Variants in UBE3C observed in about 807,000 individuals in gnomAD.
UBE3C encodes ubiquitin-protein ligase E3C.
Under a neutral mutation model 129.4 loss-of-function variants are expected in UBE3C, and 42 were observed. That is an observed-to-expected ratio of 0.32 (90% CI 0.25 to 0.42). The LOEUF is 0.42. Among genes scored for constraint, UBE3C ranks in the 10% least tolerant of loss-of-function variants. The probability of loss-of-function intolerance (pLI) is 1.00; values close to 1 mark genes in which losing one functional copy is unlikely to be tolerated. For missense variants in UBE3C, 1,049 were observed against 1,319.1 expected, an observed-to-expected ratio of 0.80 and a Z score of 3.17; for synonymous variants, 510 against 492.4, an observed-to-expected ratio of 1.04 and a Z score of -0.47.
intron 10 of UBE3C, chr7:157,192,476 C>T: frequency 1.3e-6 from 1 of 754,652 alleles, no homozygotes; most frequent in East Asian, 2.5e-5. Flanking sequence ...GGAAGGAATT[C>T]CTCCTGATCA....
intron 10 of UBE3C, chr7:157,198,532 CT>C (rs71189987): frequency 0.024 from 6,406 of 272,218 alleles, no homozygotes; most frequent in South Asian, 0.046. Context: ...CTGTATTTGT[CT>C]TTTTTTTTTT....
rs544821742 is a variant in UBE3C at position 157,139,502 on chromosome 7, G to A, written c.66+164G>A. Among the ~76,000 whole-genome samples, 289 of 151,712 alleles carry A rather than the reference G, an allele frequency of 1.9e-3. 2 individuals are homozygous for A. Among genetic ancestry groups the A allele is most frequent in the African/African-American group, 6.4e-3 (264 of 41,448 alleles). ...CGGGGCTTCCTCGCCGGATCTCGGGGCCGCTCCGGCCGGGACTCGGGGTTG... is the reference window on the plus strand; with the variant it reads ...CGGGGCTTCCTCGCCGGATCTCGGGACCGCTCCGGCCGGGACTCGGGGTTG... On this transcript the variant is annotated intron_variant, in intron 1 of 22. Coordinates refer to ENST00000348165, the MANE Select transcript of UBE3C (RefSeq NM_014671.3).
Position 157,267,683 on chromosome 7 carries a change from C to G in UBE3C, c.3180C>G (p.Phe1060Leu). ...TGAACCTGCTGAAGCTCCCCGAGTT[C>G]TATGACGAGACACTTTTGCGAAGTA... Reference protein sequence around the residue: ...TCMNLLKLPEFYDETLLRSKL... With the variant: ...TCMNLLKLPELYDETLLRSKL... Residue 1060 changes from phenylalanine to leucine, a missense_variant, in exon 23 of 23, where the codon TTC (phenylalanine) becomes TTG (leucine). Around this residue, in one of 4 missense-constraint regions of UBE3C, gnomAD observed 243 missense variants for 368.7 expected, o/e 0.66. Coordinates refer to ENST00000348165, the MANE Select transcript of UBE3C (RefSeq NM_014671.3). 6.2e-7 allele frequency: 1 copy of G among 1,613,700 alleles called. No individual in the cohort carries two copies. The highest frequency in any genetic ancestry group is 8.5e-7 in the Non-Finnish European group (1 of 1,179,874).
chr7:157,264,131 G>GCA (rs146963570), intron 22 of UBE3C, among the ~76,000 whole-genome samples: 93 of 124,518 alleles, frequency 7.5e-4, no homozygotes, highest in African/African-American at 2.2e-3. Flanking sequence ...CCTGTTACGT[G>GCA]CACACACACA....
At chr7:157,147,352 A>G (rs764797735) in intron 1 of UBE3C, among the ~76,000 whole-genome samples, 50 of 152,172 alleles carry the variant, frequency 3.3e-4, no homozygotes, top group Admixed American at 1.2e-3. Context: ...TAGAGAAGCA[A>G]TTGACTTTCA....
At chr7:157,163,905 C>G in intron 2 of UBE3C, 42 bp downstream of exon 2, 1 of 1,588,164 alleles carries the variant, frequency 6.3e-7, no homozygotes, top group Non-Finnish European at 8.6e-7. Context: ...AGCATTTTTT[C>G]TACAGCATTT....
At chr7:157,235,878 G>A (rs1475763250) in intron 18 of UBE3C, among the ~76,000 whole-genome samples, 1 of 152,152 alleles carries the variant, frequency 6.6e-6, no homozygotes, top group Admixed American at 6.5e-5. Context: ...GCTAACCATT[G>A]CTCGGATCTA....
At chr7:157,231,004 C>T in intron 17 of UBE3C, 76 bp from the exon 18 acceptor site, 2 of 1,568,768 alleles carry the variant, frequency 1.3e-6, no homozygotes, top group South Asian at 2.4e-5. Context: ...TTCCTTAAGC[C>T]TTCCTGTAAG....
At chr7:157,183,343 T>A (rs993918238) in intron 8 of UBE3C, among the ~76,000 whole-genome samples, 1 of 152,310 alleles carries the variant, frequency 6.6e-6, no homozygotes, top group East Asian at 1.9e-4. Flanking sequence ...GATTGGTAAT[T>A]GACTAAGACA....
intron 1 of UBE3C, among the ~76,000 whole-genome samples, chr7:157,143,527 A>G (rs1482532508): frequency 6.6e-6 from 1 of 152,006 alleles, no homozygotes; most frequent in African/African-American, 2.4e-5. Flanking sequence ...GGCTTTCTCC[A>G]TTTCTCACAC....
chr7:157,157,995 G>T (rs1807961894), intron 1 of UBE3C, among the ~76,000 whole-genome samples: 4 of 149,716 alleles, frequency 2.7e-5, no homozygotes, highest in Middle Eastern at 3.5e-3. Flanking sequence ...TATAGAGAGA[G>T]AGAGAGAGAG....
intron 5 of UBE3C, among the ~76,000 whole-genome samples, chr7:157,177,771 G>C (rs1176040601): frequency 6.6e-6 from 1 of 152,180 alleles, no homozygotes; most frequent in African/African-American, 2.4e-5. Context: ...GCGGTAAGCG[G>C]ATAAGCCGTG....
At chr7:157,264,230 C>T (rs1342322784) in intron 22 of UBE3C, among the ~76,000 whole-genome samples, 2 of 146,936 alleles carry the variant, frequency 1.4e-5, no homozygotes, top group African/African-American at 2.6e-5. Context: ...CCAACATGCT[C>T]GGCCTGTTAC....
At chr7:157,189,446 A>G (rs781628261) in intron 10 of UBE3C, 1 of 152,586 alleles carries the variant, frequency 6.6e-6, no homozygotes, top group Non-Finnish European at 1.5e-5. Context: ...GCAGTATCAG[A>G]CAACTAAAAT....
chr7:157,241,934 A>G (rs1796340230), intron 18 of UBE3C, among the ~76,000 whole-genome samples: 1 of 152,210 alleles, frequency 6.6e-6, no homozygotes, highest in Admixed American at 6.5e-5. Context: ...GGTTCCATTT[A>G]TATGAAATGT....
rs140459866 is a variant in UBE3C, at chr7:157,266,678, A to G, written c.3082-907A>G. ...AAAACAGCTTTGTTTCTTCTCACCAATGATTTGGTTAACCCGAGTAATAGC... is the reference window on the plus strand; with the variant it reads ...AAAACAGCTTTGTTTCTTCTCACCAGTGATTTGGTTAACCCGAGTAATAGC... On this transcript the variant is annotated intron_variant, in intron 22 of 22. Transcript: ENST00000348165. Among the ~76,000 whole-genome samples, 548 of 152,348 alleles carry G rather than the reference A, an allele frequency of 3.6e-3. 2 individuals carry two copies. The highest frequency in any genetic ancestry group is 0.012 in the African/African-American group (506 of 41,588).
At chr7:157,242,786 G>A (rs1360643144) in intron 18 of UBE3C, among the ~76,000 whole-genome samples, 9 of 152,122 alleles carry the variant, frequency 5.9e-5, no homozygotes, top group African/African-American at 1.9e-4. Flanking sequence ...GCCAGGTCTG[G>A]TGGCTCAAGC....
chr7:157,159,410 TC>T (rs1808006689), intron 1 of UBE3C, among the ~76,000 whole-genome samples: 1 of 151,870 alleles, frequency 6.6e-6, no homozygotes, highest in Admixed American at 6.6e-5. Context: ...AAAGACAGTC[TC>T]CCCCTACCCT....
At chr7:157,216,047 T>TA (rs1795557904) in intron 13 of UBE3C, among the ~76,000 whole-genome samples, 1 of 152,144 alleles carries the variant, frequency 6.6e-6, no homozygotes, top group Admixed American at 6.5e-5. Context: ...TGTGATGACA[T>TA]AGTGAAGTGT....
Sources: allele counts gnomAD v4.1 joint callset (sites outside exome capture counted in the v4.1 genomes callset), GRCh38; gene constraint gnomAD v4.1.1; regional missense constraint gnomAD v4.1.1; transcripts MANE v1.5; gene names NCBI Gene and HGNC (gene_info 2026-07-23, HGNC 2026-07-21).